CSMD1: variants seen among roughly 807,000 people sequenced by gnomAD.
CSMD1 encodes the protein CUB and Sushi multiple domains 1, also known as CUB and sushi domain-containing protein 1.
Under a neutral mutation model 417.5 loss-of-function variants are expected in CSMD1, and 213 were observed. The ratio of observed to expected loss-of-function variants is 0.51; its 90% CI spans 0.46 to 0.57. The LOEUF (loss-of-function observed/expected upper bound fraction) is 0.57, where lower values mean the gene tolerates loss of function less well. Ranked by LOEUF, CSMD1 falls within the 20% of genes least tolerant of loss-of-function variation. The pLI is 0.00. For synonymous variants in CSMD1, 2,862 were observed against 1,736.8 expected (o/e 1.65, Z -16.11); for missense variants, 6,923 against 4,529.7 (o/e 1.53, Z -15.17).
intron 27 of CSMD1, among the ~76,000 whole-genome samples, chr8:3,226,186 A>T (rs1300119956): frequency 6.6e-6 from 1 of 152,184 alleles, no homozygotes; most frequent in African/African-American, 2.4e-5. Context: ...CAAACCTAGG[A>T]TACATTTTGG....
intron 10 of CSMD1, among the ~76,000 whole-genome samples, chr8:3,542,046 T>G (rs1798462790): frequency 6.6e-6 from 1 of 152,172 alleles, no homozygotes; most frequent in Non-Finnish European, 1.5e-5. Flanking sequence ...GTTAATTATC[T>G]ACTTCCACCT....
chr8:3,468,977 A>G (rs1225083172), intron 11 of CSMD1, among the ~76,000 whole-genome samples, 153 bp from the exon 12 acceptor site: 1 of 152,214 alleles, frequency 6.6e-6, no homozygotes, highest in Non-Finnish European at 1.5e-5. Flanking sequence ...CTGGTCCATT[A>G]TATTAATATT....
intron 3 of CSMD1, among the ~76,000 whole-genome samples, chr8:4,119,452 A>G (rs942389794): frequency 6.6e-6 from 1 of 152,186 alleles, no homozygotes; most frequent in African/African-American, 2.4e-5. Flanking sequence ...TGGACTGAAT[A>G]TCTGTGTCAG....
intron 1 of CSMD1, among the ~76,000 whole-genome samples, chr8:4,808,842 G>T (rs1422763203): frequency 6.6e-6 from 1 of 152,154 alleles, no homozygotes. Context: ...TGATTTAAAA[G>T]TTATCTCTCC....
At chr8:4,132,921 G>A (rs1457271722) in intron 3 of CSMD1, among the ~76,000 whole-genome samples, 2 of 151,960 alleles carry the variant, frequency 1.3e-5, no homozygotes, top group Non-Finnish European at 2.9e-5. Context: ...GAAGACTATG[G>A]TAAAAGTCAT....
intron 6 of CSMD1, among the ~76,000 whole-genome samples, chr8:3,753,419 T>C (rs1484143037): frequency 1.3e-5 from 2 of 152,204 alleles, no homozygotes; most frequent in East Asian, 3.9e-4. Context: ...TCCTAATGAC[T>C]ACAGACTCCC....
chr8:3,305,256 G>A (rs1804742714), intron 25 of CSMD1, among the ~76,000 whole-genome samples: 1 of 152,084 alleles, frequency 6.6e-6, no homozygotes, highest in South Asian at 2.1e-4. Flanking sequence ...CTGTTACTCA[G>A]CTATAACTTA....
intron 1 of CSMD1, among the ~76,000 whole-genome samples, chr8:4,875,502 T>C (rs1162796813): frequency 6.6e-6 from 1 of 152,046 alleles, no homozygotes; most frequent in East Asian, 1.9e-4. Context: ...AGCAACTCCA[T>C]GAGATGAAGC....
At chr8:4,058,390 C>A (rs939706560) in intron 3 of CSMD1, among the ~76,000 whole-genome samples, 2 of 152,070 alleles carry the variant, frequency 1.3e-5, no homozygotes, top group African/African-American at 4.8e-5. Context: ...ATTTTGTATC[C>A]TCAGACTTTG....
chr8:4,735,906 C>G (rs577708523), intron 1 of CSMD1, among the ~76,000 whole-genome samples: 2 of 152,280 alleles, frequency 1.3e-5, no homozygotes, highest in South Asian at 2.1e-4. Flanking sequence ...TAGAGATTTA[C>G]TGATGAGCAG....
At chr8:4,724,223 C>G (rs926071038) in intron 1 of CSMD1, among the ~76,000 whole-genome samples, 1 of 151,928 alleles carries the variant, frequency 6.6e-6, no homozygotes, top group Non-Finnish European at 1.5e-5. Context: ...AAAATATTAA[C>G]CTTGCAGTTT....
At chr8:4,014,105 G>C (rs1229784480) in intron 4 of CSMD1, among the ~76,000 whole-genome samples, 3 of 152,190 alleles carry the variant, frequency 2.0e-5, no homozygotes, top group East Asian at 1.9e-4. Context: ...CTCAAACTCA[G>C]CAAATTAAAA....
chr8:4,359,908 T>C (rs1449569267), intron 3 of CSMD1, among the ~76,000 whole-genome samples: 1 of 152,168 alleles, frequency 6.6e-6, no homozygotes, highest in Non-Finnish European at 1.5e-5. Context: ...TTAACCACAG[T>C]TTAAAACATC....
chr8:3,715,845 C>T (rs901724830), intron 6 of CSMD1, among the ~76,000 whole-genome samples: 4 of 152,084 alleles, frequency 2.6e-5, no homozygotes, highest in African/African-American at 9.7e-5. Flanking sequence ...GCCCGGCCTG[C>T]AAACAGCTTT....
At chr8:4,156,348 G>T (rs147915448) in intron 3 of CSMD1, among the ~76,000 whole-genome samples, 1 of 152,024 alleles carries the variant, frequency 6.6e-6, no homozygotes, top group Non-Finnish European at 1.5e-5. Context: ...TGTTCTCTCT[G>T]GTTTTGATAA....
chr8:4,780,709 T>A lies in CSMD1; in HGVS notation c.86-143151A>T, dbSNP rs117641758. 2.5e-3 allele frequency among the ~76,000 whole-genome samples: 380 copies of A among 152,252 alleles called. 2 individuals are homozygous for A. Among genetic ancestry groups the A allele is most frequent in the Middle Eastern group, 6.8e-3 (2 of 294 alleles). ...TGCACCATGTATGTTGTCTTTTATT[T>A]CTGACCCCCTTCCCACTCTTCTCTA... On this transcript the variant is annotated intron_variant, in intron 1 of 69. Coordinates refer to ENST00000635120, the MANE Select transcript of CSMD1 (RefSeq NM_033225.6).
chr8:4,313,390 T>C (rs1280512759), intron 3 of CSMD1, among the ~76,000 whole-genome samples: 1 of 151,774 alleles, frequency 6.6e-6, no homozygotes, highest in Admixed American at 6.6e-5. Flanking sequence ...ACTCTGCTTT[T>C]GAGAATGCGT....
chr8:3,400,231 G>A (rs566631100), intron 15 of CSMD1, among the ~76,000 whole-genome samples: 33 of 152,162 alleles, frequency 2.2e-4, no homozygotes, highest in South Asian at 1.0e-3. Context: ...ATTTCATACC[G>A]TAATTAAGAA....
At chr8:3,098,301 A>G (rs980946615) in intron 46 of CSMD1, among the ~76,000 whole-genome samples, 5 of 152,258 alleles carry the variant, frequency 3.3e-5, no homozygotes, top group Non-Finnish European at 7.3e-5. Flanking sequence ...CTATTTATAC[A>G]TACATTTCAA....
Sources: allele counts gnomAD v4.1 joint callset (sites outside exome capture counted in the v4.1 genomes callset), GRCh38; gene constraint gnomAD v4.1.1; transcripts MANE v1.5; gene names NCBI Gene and HGNC (gene_info 2026-07-23, HGNC 2026-07-21).